The following TTC3 variants were observed in gnomAD, a reference collection of about 807,000 sequenced individuals.
The protein encoded by TTC3 is tetratricopeptide repeat domain 3.
Under a neutral mutation model 249.6 loss-of-function variants are expected in TTC3, and 180 were observed. The ratio of observed to expected loss-of-function variants is 0.72; its 90% CI spans 0.64 to 0.82. TTC3 has a LOEUF of 0.82. Among genes scored for constraint, TTC3 ranks in the 40% least tolerant of loss-of-function variants. The pLI, the probability that TTC3 is intolerant of heterozygous loss-of-function variation, is 0.00. For missense variants in TTC3, 2,061 were observed against 2,398.4 expected (o/e 0.86, Z 2.94); for synonymous variants, 717 against 805.0 (o/e 0.89, Z 1.85).
At chr21:37,077,453 A>G (rs910736745) in intron 1 of TTC3, among the ~76,000 whole-genome samples, 1 of 152,242 alleles carries the variant, frequency 6.6e-6, no homozygotes, top group African/African-American at 2.4e-5. Flanking sequence ...ATCAAGGGGT[A>G]TGAATGATCA....
intron 1 of TTC3, among the ~76,000 whole-genome samples, chr21:37,075,725 A>G (rs1155786): frequency 0.44 from 67,380 of 152,062 alleles, 15,439 homozygotes; most frequent in Non-Finnish European, 0.51. Context: ...CTTAGTCTTT[A>G]TCTCCTTTGG....
At chr21:37,087,377 G>T in exon 2 of TTC3, 1 of 1,613,946 alleles carries the variant, frequency 6.2e-7, no homozygotes, top group South Asian at 1.1e-5. Flanking sequence ...ATGTTCGTGT[G>T]ACTCAGCTTT....
rs781319117 is a variant in TTC3, at chr21:37,124,610, C to T, written c.1110-9C>T. On this transcript the variant is annotated splice_polypyrimidine_tract_variant and intron_variant, in intron 13 of 45. Transcript: ENST00000355666. ...AAATGTATAATAATTCCTTTTTTCC[C>T]CCACTTAGGGCCTACACACCTAGGA... is the stretch of plus-strand genomic sequence containing the variant. 1.9e-6 allele frequency: 3 copies of T among 1,601,174 alleles called. No individual in the cohort carries two copies. The South Asian group carries it at 3.4e-5, about 18-fold the overall frequency.
At position 37,187,114 on chromosome 21, in the gene TTC3, AAG is replaced by A. The variant is rs2083388838; in HGVS notation, c.4897_4898del (p.His1634SerfsTer12). 6.3e-7 allele frequency: 1 copy of A among 1,579,832 alleles called. No homozygotes were observed. The highest frequency in any genetic ancestry group is 1.4e-5 in the African/African-American group (1 of 72,616). On this transcript the variant is annotated frameshift_variant, in exon 38 of 46. Transcript: ENST00000355666. LOFTEE classifies it high-confidence loss of function. Reference sequence around the variant, plus strand: ...ATAAAGAAAGGGAAAGAGGATTATGAAGAGAGTCATCAGAGAGCTGTGGCTGC... The same window carrying A: ...ATAAAGAAAGGGAAAGAGGATTATGAAGAGTCATCAGAGAGCTGTGGCTGC...
chr21:37,135,369 C>CT lies in TTC3; in HGVS notation c.1444-5dup. On this transcript the variant is annotated splice_polypyrimidine_tract_variant and intron_variant, in intron 17 of 45. Coordinates refer to ENST00000355666, the Ensembl canonical transcript of TTC3. Reference sequence around the variant, plus strand: ...GATTCAGGTTACTGAAATAGAATTTCTTTTTTCCAGGATTTTGCTAATATA... The same window carrying CT: ...GATTCAGGTTACTGAAATAGAATTTCTTTTTTTCCAGGATTTTGCTAATATA... 6.3e-7 allele frequency: 1 copy of CT among 1,595,890 alleles called. No individual in the cohort carries two copies.
exon 25 of TTC3, chr21:37,150,848 T>A: frequency 6.2e-7 from 1 of 1,611,762 alleles, no homozygotes; most frequent in Non-Finnish European, 8.5e-7. Context: ...AAAGAAAAGG[T>A]TCCTCCAAGA....
chr21:37,186,237 A>T (rs908953096), intron 37 of TTC3, among the ~76,000 whole-genome samples: 5 of 152,202 alleles, frequency 3.3e-5, no homozygotes, highest in African/African-American at 4.8e-5. Context: ...ATGTTTTCAC[A>T]TACTGCTAAC....
intron 40 of TTC3, 151 bp downstream of exon 40, chr21:37,191,575 A>C: frequency 1.9e-6 from 1 of 515,530 alleles, no homozygotes; most frequent in Non-Finnish European, 3.3e-6. Flanking sequence ...CATGGAACTA[A>C]TGGTTTTGTT....
chr21:37,082,053 G>T (rs1439421283), intron 1 of TTC3: 1 of 151,758 alleles, frequency 6.6e-6, no homozygotes, highest in Non-Finnish European at 1.5e-5. Flanking sequence ...TTTTAGTAGA[G>T]ACGGGGTTTC....
At chr21:37,110,921 AT>A (rs2075600883) in intron 11 of TTC3, among the ~76,000 whole-genome samples, 1 of 152,208 alleles carries the variant, frequency 6.6e-6, no homozygotes, top group South Asian at 2.1e-4. Flanking sequence ...AAAGAAAAGA[AT>A]TTTCAACCCA....
At chr21:37,158,594 T>C (rs2080351660) in intron 28 of TTC3, among the ~76,000 whole-genome samples, 1 of 152,218 alleles carries the variant, frequency 6.6e-6, no homozygotes, top group Admixed American at 6.6e-5. Flanking sequence ...GCCCCGACTT[T>C]TTCCCTGACC....
intron 27 of TTC3, among the ~76,000 whole-genome samples, chr21:37,153,933 A>C (rs1410606009): frequency 6.6e-6 from 1 of 152,220 alleles, no homozygotes; most frequent in Non-Finnish European, 1.5e-5. Context: ...GGTAAATCAC[A>C]GGATTATATA....
chr21:37,163,390 G>A (rs1211258213), intron 31 of TTC3, among the ~76,000 whole-genome samples: 6 of 152,154 alleles, frequency 3.9e-5, no homozygotes, highest in South Asian at 2.1e-4. Context: ...CGCTCTTGTT[G>A]CCCAGGCTGG....
intron 11 of TTC3, among the ~76,000 whole-genome samples, chr21:37,112,713 C>T (rs995503699): frequency 6.6e-6 from 1 of 152,124 alleles, no homozygotes; most frequent in Middle Eastern, 3.2e-3. Context: ...CATCCTGATA[C>T]CAAAGCCTGG....
intron 28 of TTC3, chr21:37,159,480 A>G: frequency 1.8e-6 from 1 of 546,270 alleles, no homozygotes; most frequent in Non-Finnish European, 3.2e-6. Context: ...ACTCAACATT[A>G]TGCTGAATCA....
intron 35 of TTC3, among the ~76,000 whole-genome samples, chr21:37,177,716 C>G (rs1020125479): frequency 9.2e-5 from 14 of 152,204 alleles, no homozygotes; most frequent in African/African-American, 3.4e-4. Flanking sequence ...CTTGAGGAAA[C>G]AGTTGTTGAT....
intron 27 of TTC3, among the ~76,000 whole-genome samples, chr21:37,155,727 A>T (rs2079994878): frequency 6.6e-6 from 1 of 152,192 alleles, no homozygotes; most frequent in South Asian, 2.1e-4. Context: ...CTTCACCGTC[A>T]TTTCAGTAGG....
chr21:37,167,762 AT>A (rs1161420084), intron 34 of TTC3, 142 bp downstream of exon 34: 4 of 485,304 alleles, frequency 8.2e-6, no homozygotes, highest in Admixed American at 4.5e-5. Context: ...TAACAAAAAA[AT>A]GATTTTGTTT....
chr21:37,152,934 T>G lies in TTC3; in HGVS notation c.2414-17T>G. 2 of 1,547,540 alleles carry G rather than the reference T, an allele frequency of 1.3e-6. No homozygotes were observed. The highest frequency in any genetic ancestry group is 8.7e-7 in the Non-Finnish European group (1 of 1,149,060). The stretch of plus-strand genomic sequence containing the variant: ...TTAGTCCTATTTATCACTTTAACCA[T>G]TGTTATTTATCCTTAGAAACTGTAG... On this transcript the variant is annotated splice_polypyrimidine_tract_variant and intron_variant, in intron 26 of 45. Transcript: ENST00000355666.
Sources: allele counts gnomAD v4.1 joint callset (sites outside exome capture counted in the v4.1 genomes callset), GRCh38; gene constraint gnomAD v4.1.1; transcripts MANE v1.5; gene names NCBI Gene and HGNC (gene_info 2026-07-23, HGNC 2026-07-21).